Variants in MAMDC4 observed in about 807,000 individuals in gnomAD.
The protein encoded by MAMDC4 is apical endosomal glycoprotein.
A neutral mutation model predicts 153.3 loss-of-function variants in MAMDC4; 168 were observed. That is an observed-to-expected ratio of 1.10 (90% confidence interval 0.97 to 1.25). The LOEUF (loss-of-function observed/expected upper bound fraction) is 1.25, where lower values mean the gene tolerates loss of function less well. MAMDC4 is among the 50% of genes most tolerant of loss of function. The pLI is 0.00. For synonymous variants in MAMDC4, 744 were observed against 651.5 expected, an observed-to-expected ratio of 1.14 and a Z score of -2.16; for missense variants, 1,701 against 1,542.8, an observed-to-expected ratio of 1.10 and a Z score of -1.72.
chr9:136,860,711 T>C lies in MAMDC4; in HGVS notation c.*108T>C. On this transcript the variant is annotated 3_prime_UTR_variant, in exon 27 of 27. Transcript: ENST00000317446. ...CCCAGGCTGGGACAGGCTGCAGGTC[T>C]CAGGATATGCTGAGGCCTGGGCGTT... is the stretch of plus-strand genomic sequence containing the variant. 8.0e-7 allele frequency: 1 copy of C among 1,256,926 alleles called. No homozygotes were observed. The allele number at this position is 1,256,926 out of a possible 1,614,324, so 77.9% of individuals were successfully genotyped here.
Position 136,853,158 on chromosome 9 carries a change from G to T in MAMDC4, c.103G>T (p.Val35Leu). ...CCACTGCAGGAGCCCTGGCCAGGCC[G>T]TGTGCAACTTCGTGTGTGACTGCAG... ...PNHCRSPGQA[V>L]CNFVCDCRDC... Residue 35 changes from valine (V) to leucine (L), a missense_variant, in exon 2 of 27, where the codon GTG (valine) becomes TTG (leucine). Coordinates refer to ENST00000317446, the MANE Select transcript of MAMDC4 (RefSeq NM_206920.3). 1 of 1,612,822 alleles carries T rather than the reference G, an allele frequency of 6.2e-7. No homozygotes were observed. Among genetic ancestry groups the T allele is most frequent in the East Asian group, 2.2e-5 (1 of 44,884 alleles).
Position 136,855,187 on chromosome 9 carries a change from C to T in MAMDC4, c.1198-67C>T, listed in dbSNP as rs879057223. On this transcript the variant is annotated intron_variant, in intron 10 of 26. Transcript: ENST00000317446. ...AGGGGAACCCACAAGGTACCCACTG[C>T]GGGTGGACAGGGACCAGACCCCAGG... is the stretch of plus-strand genomic sequence containing the variant. The T allele has an allele frequency of 1.0e-4, 159 of 1,574,696 alleles. 1 individual carries two copies. The Middle Eastern group carries it at 1.0e-3, about 10-fold the overall frequency.
At position 136,860,578 on chromosome 9, in the gene MAMDC4, C is replaced by T. The variant is rs763102822; in HGVS notation, c.3389C>T (p.Pro1130Leu). ...TCCTCCTAGGATGGTGTCACCCTCC[C>T]GGCATCTGTCACCAGTGATCCGTAG... Reference protein sequence around the residue: ...ILFNADGVTLPASVTSDP With the variant: ...ILFNADGVTLLASVTSDP Residue 1130 changes from proline to leucine, a missense_variant, in exon 27 of 27, where the codon CCG becomes CTG. Coordinates refer to ENST00000317446, the MANE Select transcript of MAMDC4 (RefSeq NM_206920.3). 1.5e-5 allele frequency: 24 copies of T among 1,612,820 alleles called. No homozygotes were observed. Among genetic ancestry groups the T allele is most frequent in the Admixed American group, 1.0e-4 (6 of 59,984 alleles).
At chr9:136,858,919 G>C in intron 23 of MAMDC4, 66 bp downstream of exon 23, 1 of 1,552,038 alleles carries the variant, frequency 6.4e-7, no homozygotes, top group East Asian at 2.3e-5. Flanking sequence ...AGCAGAGGTG[G>C]GGAGGTGGCC....
In MAMDC4 at chr9:136,859,268, C is replaced by A; in HGVS notation, c.3144C>A (p.Asp1048Glu). The stretch of plus-strand genomic sequence containing the variant: ...CCCTGGGGCCCATTGCCCTGGATGA[C>A]GTGGAGTATCTGGCTGGGCAGCATT... ...QPALGPIALDDVEYLAGQHCQ... is the reference protein window; with the variant it reads ...QPALGPIALDEVEYLAGQHCQ... The change falls in exon 25 of 27, where the codon GAC becomes GAA. Residue 1048 changes from aspartate (D) to glutamate (E), a missense_variant. By Grantham distance (45) the Asp-to-Glu change is conservative (BLOSUM62 2). Transcript: ENST00000317446. 6.2e-7 allele frequency: 1 copy of A among 1,612,096 alleles called. No homozygotes were observed. The highest frequency in any genetic ancestry group is 8.5e-7 in the Non-Finnish European group (1 of 1,179,524).
chr9:136,854,816 C>A lies in MAMDC4; in HGVS notation c.989C>A (p.Pro330His). ...GGCACCCCTGCTATACTCTCCAGCC[C>A]CGAATTCCAAGCCTCAGGCACCTCC... ...EPGTPAILSS[P>H]EFQASGTSNC... The change falls in exon 9 of 27, where the codon CCC (proline) becomes CAC (histidine). Residue 330 changes from proline (P) to histidine (H), a missense_variant. By Grantham distance (77) the Pro-to-His change is moderately conservative. Transcript: ENST00000317446. The A allele has an allele frequency of 6.2e-7, 1 of 1,612,848 alleles. No homozygotes were observed. The highest frequency in any genetic ancestry group is 8.5e-7 in the Non-Finnish European group (1 of 1,179,878).
chr9:136,853,343 C>T lies in MAMDC4; in HGVS notation c.213C>T (p.Asp71=), dbSNP rs765596110. The change falls in exon 3 of 27, where the codon GAC becomes GAT. Residue 71 remains aspartate (D), a synonymous_variant. Coordinates refer to ENST00000317446, the MANE Select transcript of MAMDC4 (RefSeq NM_206920.3). ...CCTTCGCCTGTGACTTCGAGCAGGA[C>T]CCCTGCGGCTGGCGGGACATTAGTA... ...GAPFACDFEQ[D]PCGWRDISTS... 29 of 1,607,030 alleles carry T rather than the reference C, an allele frequency of 1.8e-5. No homozygotes were observed. Among genetic ancestry groups the T allele is most frequent in the Non-Finnish European group, 2.2e-5 (26 of 1,175,822 alleles).
rs1403772861 is a variant in MAMDC4, at chr9:136,854,283, G to T, written c.743G>T (p.Cys248Phe). Residue 248 changes from cysteine (C) to phenylalanine (F), a missense_variant, in exon 7 of 27, where the codon TGC becomes TTC. By Grantham distance (205) the Cys-to-Phe change is radical. Transcript: ENST00000317446. ...NKVCVEPQQL[C>F]DGEDNCGDLS... Reference sequence around the variant, plus strand: ...GTCTGCGTGGAGCCCCAGCAGCTGTGCGACGGGGAAGACAACTGCGGGGAC... The same window carrying T: ...GTCTGCGTGGAGCCCCAGCAGCTGTTCGACGGGGAAGACAACTGCGGGGAC... 1.2e-6 allele frequency: 2 copies of T among 1,607,558 alleles called. No homozygotes were observed. The highest frequency in any genetic ancestry group is 1.7e-6 in the Non-Finnish European group (2 of 1,177,594).
rs1404327720 is a variant in MAMDC4 at position 136,858,782 on chromosome 9, G to A, written c.2885G>A (p.Ser962Asn). The stretch of plus-strand genomic sequence containing the variant: ...GGGGGCCGGGCCGCCTGGCTGCGCA[G>A]CGAGCCTCTGCCGGCCACCCCAGCC... ...GPGGRAAWLRSEPLPATPASC... is the reference protein window; with the variant it reads ...GPGGRAAWLRNEPLPATPASC... The change falls in exon 23 of 27, where the codon AGC becomes AAC. Residue 962 changes from serine (S) to asparagine (N), a missense_variant. Transcript: ENST00000317446. The A allele has an allele frequency of 1.9e-6, 3 of 1,610,466 alleles. No homozygotes were observed. The highest frequency in any genetic ancestry group is 4.5e-5 in the East Asian group (2 of 44,822).
chr9:136,856,995 C>G lies in MAMDC4; in HGVS notation c.1926C>G (p.Pro642=), dbSNP rs111426988. The G allele has an allele frequency of 1.6e-5, 26 of 1,612,540 alleles. No individual in the cohort carries two copies. The African/African-American group carries it at 2.3e-4, about 14-fold the overall frequency. Residue 642 remains proline (P), a synonymous_variant, in exon 16 of 27, where the codon CCC becomes CCG. Transcript: ENST00000317446. Reference sequence around the variant, plus strand: ...CCAGGCCCCAGGTGCCAGCAGCACCCACGGAGTGTCTCAGCTTCTGGTACC... The same window carrying G: ...CCAGGCCCCAGGTGCCAGCAGCACCGACGGAGTGTCTCAGCTTCTGGTACC... ...LLSRPQVPAA[P]TECLSFWYHL...
rs1848972369 is a variant in MAMDC4 at position 136,854,355 on chromosome 9, C to T, written c.796+19C>T. On this transcript the variant is annotated intron_variant, in intron 7 of 26. Coordinates refer to ENST00000317446, the MANE Select transcript of MAMDC4 (RefSeq NM_206920.3). ...ACCTGTGGTGAGGCCGGAGTGGGGGCCCAGAGTGAGGCTGGGAGACTGGAC... is the reference window on the plus strand; with the variant it reads ...ACCTGTGGTGAGGCCGGAGTGGGGGTCCAGAGTGAGGCTGGGAGACTGGAC... The T allele has an allele frequency of 6.5e-7, 1 of 1,528,862 alleles. No homozygotes were observed. The highest frequency in any genetic ancestry group is 8.8e-7 in the Non-Finnish European group (1 of 1,137,616). The allele number at this position is 1,528,862 out of a possible 1,614,324, so 94.7% of individuals were successfully genotyped here. A position where few individuals can be genotyped will look rare whatever the true frequency, so the allele number is the denominator to read the frequency against.
In MAMDC4 at chr9:136,853,537, T is replaced by G. The variant is rs781229642; in HGVS notation, c.329-8T>G. ...CTGCCCCGTCTCCTGACCTCTCACCTGCGCCAGGCTGGTACATGGCCGTTG... is the reference window on the plus strand; with the variant it reads ...CTGCCCCGTCTCCTGACCTCTCACCGGCGCCAGGCTGGTACATGGCCGTTG... On this transcript the variant is annotated splice_region_variant and splice_polypyrimidine_tract_variant and intron_variant, in intron 3 of 26. Coordinates refer to ENST00000317446, the MANE Select transcript of MAMDC4 (RefSeq NM_206920.3). The G allele has an allele frequency of 3.7e-5, 59 of 1,612,502 alleles. No individual in the cohort carries two copies. In the Middle Eastern group the frequency reaches 6.6e-4, roughly 18 times the overall value.
chr9:136,857,877 T>C (rs1588394209), intron 19 of MAMDC4, 81 bp downstream of exon 19: 2 of 1,502,682 alleles, frequency 1.3e-6, no homozygotes, highest in Admixed American at 2.3e-5. Context: ...CTGAGGCCAC[T>C]GGGGAGCCTC....
In MAMDC4 at chr9:136,860,607, A is replaced by G. The variant is rs1588396328; in HGVS notation, c.*4A>G. ...ATCTGTCACCAGTGATCCGTAGACC[A>G]CCCCAGACAAGGCCCCGCTTCCTCA... is the stretch of plus-strand genomic sequence containing the variant. On this transcript the variant is annotated 3_prime_UTR_variant, in exon 27 of 27. Transcript: ENST00000317446. 5 of 1,613,036 alleles carry G rather than the reference A, an allele frequency of 3.1e-6. No individual in the cohort carries two copies. Among genetic ancestry groups the G allele is most frequent in the Non-Finnish European group, 4.2e-6 (5 of 1,179,808 alleles).
rs564039894 is a variant in MAMDC4 at position 136,858,083 on chromosome 9, G to A, written c.2569G>A (p.Glu857Lys). The change falls in exon 20 of 27, where the codon GAG becomes AAG. Residue 857 changes from glutamate to lysine, a missense_variant. Glu to Lys is a moderately conservative substitution (Grantham distance 56). Coordinates refer to ENST00000317446, the MANE Select transcript of MAMDC4 (RefSeq NM_206920.3). The stretch of plus-strand genomic sequence containing the variant: ...CCTGGGCAGCATGGACGTGCAGGCC[G>A]AGCGAGCCTGGAGGGTGAGTGCAGG... ...WRLGSMDVQA[E>K]RAWRVVFEAV... 3.6e-5 allele frequency: 55 copies of A among 1,532,126 alleles called. No homozygotes were observed. The highest frequency in any genetic ancestry group is 2.3e-4 in the African/African-American group (17 of 72,916). The allele number at this position is 1,532,126 out of a possible 1,614,324, so 94.9% of individuals were successfully genotyped here. A position where few individuals can be genotyped will look rare whatever the true frequency, so the allele number is the denominator to read the frequency against.
chr9:136,860,498 T>C, intron 26 of MAMDC4, 64 bp from the exon 27 acceptor site: 10 of 1,541,562 alleles, frequency 6.5e-6, no homozygotes, highest in Non-Finnish European at 8.8e-6. Context: ...TCCATCCTGG[T>C]TGACAAGAGC....
chr9:136,855,753 C>T lies in MAMDC4; in HGVS notation c.1493C>T (p.Pro498Leu). Reference protein sequence around the residue: ...QACGTTDFESPEAGGWEDASV... With the variant: ...QACGTTDFESLEAGGWEDASV... ...CCAGGCACCACAGACTTTGAGTCCC[C>T]CGAGGCTGGGGGCTGGGAGGACGCC... Residue 498 changes from proline to leucine, a missense_variant, in exon 13 of 27, where the codon CCC (proline) becomes CTC (leucine). By Grantham distance (98) the Pro-to-Leu change is moderately conservative. Transcript: ENST00000317446. The T allele has an allele frequency of 6.4e-7, 1 of 1,571,696 alleles. No homozygotes were observed. Among genetic ancestry groups the T allele is most frequent in the Non-Finnish European group, 8.6e-7 (1 of 1,159,554 alleles).
At chr9:136,857,137 C>A (rs1374665718) in intron 16 of MAMDC4, 28 bp from the exon 17 acceptor site, 3 of 1,609,334 alleles carry the variant, frequency 1.9e-6, no homozygotes, top group African/African-American at 2.7e-5. Context: ...GGAGAGAGGT[C>A]AGTTATGGAC....
In MAMDC4 at chr9:136,855,509, A is replaced by G; in HGVS notation, c.1361A>G (p.Gln454Arg). The G allele has an allele frequency of 6.3e-7, 1 of 1,595,482 alleles. No individual in the cohort carries two copies. ...CCCCTGCCGCCCAGCTCGCGGCTCC[A>G]GGATTCCTGCAAGCAGGGGCATCTT... ...PQPLPPSSRLQDSCKQGHLAC... is the reference protein window; with the variant it reads ...PQPLPPSSRLRDSCKQGHLAC... The change falls in exon 12 of 27, where the codon CAG (glutamine) becomes CGG (arginine). Residue 454 changes from glutamine (Q) to arginine (R), a missense_variant. Physicochemically the swap from Gln to Arg is conservative, Grantham distance 43. Transcript: ENST00000317446.
Sources: allele counts gnomAD v4.1 joint callset, GRCh38; gene constraint gnomAD v4.1.1; transcripts MANE v1.5; gene names NCBI Gene and HGNC (gene_info 2026-07-23, HGNC 2026-07-21).